Variants in ADAMTS19 observed in about 807,000 individuals in gnomAD.
ADAMTS19 encodes the protein A disintegrin and metalloproteinase with thrombospondin motifs 19.
Under a neutral mutation model 153.3 loss-of-function variants are expected in ADAMTS19, and 93 were observed. The ratio of observed to expected loss-of-function variants is 0.61; its 90% confidence interval spans 0.51 to 0.72. The LOEUF (loss-of-function observed/expected upper bound fraction) is 0.72. ADAMTS19 is among the 30% of genes least tolerant of loss of function. The pLI is 0.00. For missense variants in ADAMTS19, 1,482 were observed against 1,552.1 expected (o/e 0.95, Z 0.76); for synonymous variants, 600 against 556.6 (o/e 1.08, Z -1.10).
At chr5:129,499,012 G>A (rs967448926) in intron 2 of ADAMTS19, among the ~76,000 whole-genome samples, 1 of 151,758 alleles carries the variant, frequency 6.6e-6, no homozygotes, top group Non-Finnish European at 1.5e-5. Flanking sequence ...TATTTAATAG[G>A]TATATTTATA....
intron 3 of ADAMTS19, among the ~76,000 whole-genome samples, chr5:129,519,291 G>A (rs1164460567): frequency 1.3e-5 from 2 of 152,076 alleles, no homozygotes; most frequent in African/African-American, 2.4e-5. Context: ...ACCTGGAATG[G>A]AGGCCTCACA....
At chr5:129,614,686 G>T (rs1291323476) in intron 8 of ADAMTS19, among the ~76,000 whole-genome samples, 1 of 151,956 alleles carries the variant, frequency 6.6e-6, no homozygotes, top group Non-Finnish European at 1.5e-5. Flanking sequence ...TTCTGGCCAG[G>T]GCAATCAGGC....
At chr5:129,639,985 G>C (rs1386353918) in intron 10 of ADAMTS19, among the ~76,000 whole-genome samples, 1 of 151,996 alleles carries the variant, frequency 6.6e-6, no homozygotes, top group African/African-American at 2.4e-5. Flanking sequence ...ATTACAAAGG[G>C]GCAATATGAT....
chr5:129,527,690 G>A, intron 4 of ADAMTS19, 58 bp from the exon 5 acceptor site: 1 of 991,840 alleles, frequency 1.0e-6, no homozygotes, highest in Non-Finnish European at 1.5e-6. Flanking sequence ...TGGGCCTTGA[G>A]AAAAATTAAG....
intron 21 of ADAMTS19, among the ~76,000 whole-genome samples, chr5:129,725,325 C>T (rs1256490106): frequency 1.3e-5 from 2 of 152,022 alleles, no homozygotes; most frequent in Admixed American, 6.6e-5. Context: ...TTCCTTCTCC[C>T]CAGTTCTTCT....
chr5:129,713,900 G>A (rs1380942881), intron 21 of ADAMTS19, among the ~76,000 whole-genome samples: 1 of 152,144 alleles, frequency 6.6e-6, no homozygotes, highest in African/African-American at 2.4e-5. Context: ...TCAGATTGGT[G>A]TTGATCTTGT....
chr5:129,648,690 AAATAT>A lies in ADAMTS19; in HGVS notation c.2004-100_2004-96del, dbSNP rs757696564. ...TTAATGTGTCCAAGTTTTCAAAAGT[AAATAT>A]AATATAAGGGGTTATATATTATTAA... is the stretch of plus-strand genomic sequence containing the variant. On this transcript the variant is annotated intron_variant, in intron 12 of 22. Transcript: ENST00000274487. 132 of 806,600 alleles carry A rather than the reference AAATAT, an allele frequency of 1.6e-4. No homozygotes were observed. In the South Asian group the frequency reaches 1.7e-3, roughly 11 times the overall value. 50.0% of individuals were successfully genotyped at this position (806,600 alleles called of 1,614,324 possible). A position where few individuals can be genotyped will look rare whatever the true frequency, so the allele number is the denominator to read the frequency against.
At chr5:129,563,064 T>A (rs1165005017) in intron 7 of ADAMTS19, among the ~76,000 whole-genome samples, 1 of 152,196 alleles carries the variant, frequency 6.6e-6, no homozygotes, top group African/African-American at 2.4e-5. Context: ...ATGTCAACAC[T>A]GTACTGTGAG....
Position 129,672,903 on chromosome 5 carries a change from CTCT to C in ADAMTS19, c.2507-6856_2507-6854del, listed in dbSNP as rs570293130. Reference sequence around the variant, plus strand: ...TATATATATGGCTATTCAGATATTCCTCTTCTTTTTGTGTCAATTTTGGTAACT... The same window carrying C: ...TATATATATGGCTATTCAGATATTCCTCTTTTTGTGTCAATTTTGGTAACT... On this transcript the variant is annotated intron_variant, in intron 16 of 22. Coordinates refer to ENST00000274487, the MANE Select transcript of ADAMTS19 (RefSeq NM_133638.6). 2.4e-3 allele frequency among the ~76,000 whole-genome samples: 367 copies of C among 151,980 alleles called. 1 individual carries two copies. The highest frequency in any genetic ancestry group is 8.4e-3 in the African/African-American group (347 of 41,460).
intron 2 of ADAMTS19, among the ~76,000 whole-genome samples, chr5:129,469,599 G>T (rs1580979811): frequency 6.6e-6 from 1 of 152,230 alleles, no homozygotes; most frequent in East Asian, 1.9e-4. Context: ...CCTATTCATT[G>T]CAGAACTTAG....
intron 7 of ADAMTS19, among the ~76,000 whole-genome samples, chr5:129,583,372 C>T (rs1264730687): frequency 6.6e-6 from 1 of 152,066 alleles, no homozygotes; most frequent in South Asian, 2.1e-4. Context: ...CTTGGTGAAT[C>T]TGACGATTAT....
At chr5:129,682,797 T>C (rs1754882251) in intron 17 of ADAMTS19, among the ~76,000 whole-genome samples, 1 of 152,160 alleles carries the variant, frequency 6.6e-6, no homozygotes, top group Non-Finnish European at 1.5e-5. Flanking sequence ...ATTGTTTTTA[T>C]TGATATAGTT....
intron 6 of ADAMTS19, among the ~76,000 whole-genome samples, chr5:129,539,852 G>A (rs1042651972): frequency 1.3e-5 from 2 of 152,022 alleles, no homozygotes; most frequent in African/African-American, 4.8e-5. Flanking sequence ...TGTGGGACAA[G>A]GCTTCTGTGG....
chr5:129,530,337 T>A (rs1581044710), intron 6 of ADAMTS19, among the ~76,000 whole-genome samples: 2 of 152,240 alleles, frequency 1.3e-5, no homozygotes, highest in Middle Eastern at 3.4e-3. Flanking sequence ...AGAAAAATTA[T>A]TTGAAGACAT....
At chr5:129,536,525 C>G (rs1431334723) in intron 6 of ADAMTS19, among the ~76,000 whole-genome samples, 2 of 152,144 alleles carry the variant, frequency 1.3e-5, no homozygotes, top group Non-Finnish European at 2.9e-5. Context: ...GGATCTAGAA[C>G]TAGAAATAAC....
At chr5:129,464,180 T>C (rs772472181) in intron 2 of ADAMTS19, among the ~76,000 whole-genome samples, 2 of 152,210 alleles carry the variant, frequency 1.3e-5, no homozygotes, top group South Asian at 2.1e-4. Flanking sequence ...GGCCAGAAGA[T>C]GCAATAGAGA....
rs547472357 is a variant in ADAMTS19 at position 129,702,873 on chromosome 5, A to G, written c.3159+1281A>G. Among the ~76,000 whole-genome samples the G allele has an allele frequency of 4.9e-3, 702 of 143,084 alleles. 2 individuals carry two copies. Among genetic ancestry groups the G allele is most frequent in the Non-Finnish European group, 7.2e-3 (478 of 66,658 alleles). 93.9% of individuals were successfully genotyped at this position (143,084 alleles called of 152,430 possible). ...CAATATGCCAATTGAAAAAACGTCT[A>G]TTGTTTTACTTTAAGTTAAAACTCA... On this transcript the variant is annotated intron_variant, in intron 20 of 22. Transcript: ENST00000274487.
intron 21 of ADAMTS19, among the ~76,000 whole-genome samples, chr5:129,730,431 A>G (rs555475944): frequency 5.9e-5 from 9 of 152,310 alleles, no homozygotes; most frequent in East Asian, 1.9e-4. Context: ...CTGTAGATTC[A>G]TGTTCATGAC....
chr5:129,501,839 A>G (rs1460453164), intron 2 of ADAMTS19, among the ~76,000 whole-genome samples: 1 of 152,174 alleles, frequency 6.6e-6, no homozygotes, highest in Non-Finnish European at 1.5e-5. Flanking sequence ...AGTTTTAAAT[A>G]GGCTTGAAAA....
Sources: gnomAD v4.1 joint callset for allele counts (sites outside exome capture counted in the v4.1 genomes callset) on GRCh38, gnomAD v4.1.1 for gene constraint, MANE v1.5 for transcripts, NCBI Gene and HGNC (gene_info 2026-07-23, HGNC 2026-07-21) for gene names.